The following LRMDA variants were observed in gnomAD, a reference collection of about 807,000 sequenced individuals.
LRMDA encodes leucine rich melanocyte differentiation associated.
LRMDA carries 18 observed loss-of-function variants against 29.8 expected under a neutral mutation model. That is an observed-to-expected ratio of 0.60 (90% CI 0.42 to 0.90). The LOEUF is 0.90. Among genes scored for constraint, LRMDA ranks in the 40% least tolerant of loss-of-function variants. The probability of loss-of-function intolerance (pLI) is 0.00; values close to 1 mark genes in which losing one functional copy is unlikely to be tolerated. For synonymous variants in LRMDA, 125 were observed against 109.4 expected, an observed-to-expected ratio of 1.14 and a Z score of -0.89; for missense variants, 273 against 273.9, an observed-to-expected ratio of 1.00 and a Z score of 0.02.
At chr10:75,838,949 A>G (rs1394966192) in intron 2 of LRMDA, among the ~76,000 whole-genome samples, 1 of 152,186 alleles carries the variant, frequency 6.6e-6, no homozygotes, top group Non-Finnish European at 1.5e-5. Flanking sequence ...GCCAGTGGCA[A>G]TCCAACCCCA....
chr10:76,280,036 T>G (rs965061709), intron 5 of LRMDA, among the ~76,000 whole-genome samples: 1 of 152,174 alleles, frequency 6.6e-6, no homozygotes, highest in Non-Finnish European at 1.5e-5. Flanking sequence ...CTGGTGAAAT[T>G]AGATGTTTAG....
intron 2 of LRMDA, among the ~76,000 whole-genome samples, chr10:75,516,242 A>G (rs1845287125): frequency 6.6e-6 from 1 of 152,172 alleles, no homozygotes; most frequent in South Asian, 2.1e-4. Flanking sequence ...GCTGGGTCAA[A>G]TGGTATTTCT....
At chr10:75,750,689 G>T (rs1473389032) in intron 2 of LRMDA, among the ~76,000 whole-genome samples, 9 of 143,586 alleles carry the variant, frequency 6.3e-5, no homozygotes, top group Non-Finnish European at 1.2e-4. Flanking sequence ...GATGGCGGCC[G>T]GCCAGAGGCT....
At chr10:75,632,316 C>CT (rs1841333804) in intron 2 of LRMDA, among the ~76,000 whole-genome samples, 1 of 152,230 alleles carries the variant, frequency 6.6e-6, no homozygotes, top group South Asian at 2.1e-4. Context: ...AAATTACAAT[C>CT]TGGTTGTTCT....
chr10:76,062,030 G>A lies in LRMDA; in HGVS notation c.516+3247G>A, dbSNP rs552161022. Among the ~76,000 whole-genome samples, 13 of 152,238 alleles carry A rather than the reference G, an allele frequency of 8.5e-5. No individual in the cohort carries two copies. The South Asian group carries it at 2.1e-3, about 24-fold the overall frequency. ...CATGCAGGTGTGTATACCCGCTTCC[G>A]TCTCTGTGTATATATACATATGCAT... On this transcript the variant is annotated intron_variant, in intron 5 of 6. Coordinates refer to ENST00000611255, the MANE Select transcript of LRMDA (RefSeq NM_001305581.2).
intron 2 of LRMDA, among the ~76,000 whole-genome samples, chr10:75,999,709 C>G (rs957302876): frequency 6.6e-6 from 1 of 152,144 alleles, no homozygotes; most frequent in Admixed American, 6.5e-5. Context: ...TGTTAATGCA[C>G]TTTAGAAATG....
At chr10:75,542,401 G>A (rs1840029496) in intron 2 of LRMDA, among the ~76,000 whole-genome samples, 1 of 152,044 alleles carries the variant, frequency 6.6e-6, no homozygotes, top group Non-Finnish European at 1.5e-5. Context: ...AATGACAGTA[G>A]CAAGTCTTTC....
chr10:75,477,962 G>A (rs1378376911), intron 2 of LRMDA, among the ~76,000 whole-genome samples: 1 of 152,230 alleles, frequency 6.6e-6, no homozygotes, highest in Non-Finnish European at 1.5e-5. Context: ...CTGCAGCACA[G>A]GAGACTCCTG....
chr10:76,117,148 C>T (rs920901084), intron 5 of LRMDA, among the ~76,000 whole-genome samples: 4 of 152,130 alleles, frequency 2.6e-5, no homozygotes, highest in African/African-American at 9.7e-5. Context: ...CAACAGTGCT[C>T]GTGCTTCAGT....
intron 6 of LRMDA, among the ~76,000 whole-genome samples, chr10:76,498,818 C>A (rs1842893080): frequency 1.3e-5 from 1 of 75,816 alleles, no homozygotes; most frequent in African/African-American, 3.2e-5. Flanking sequence ...TGAAATGGGT[C>A]TTCTTTTGAC....
intron 2 of LRMDA, among the ~76,000 whole-genome samples, chr10:75,688,356 A>T (rs1305256111): frequency 6.6e-6 from 1 of 152,236 alleles, no homozygotes; most frequent in African/African-American, 2.4e-5. Context: ...TTTAAACCTC[A>T]TGGGTGACTT....
At chr10:75,781,891 C>G (rs1438500306) in intron 2 of LRMDA, among the ~76,000 whole-genome samples, 1 of 152,120 alleles carries the variant, frequency 6.6e-6, no homozygotes, top group Admixed American at 6.5e-5. Context: ...GGATTCACAC[C>G]CAGGTTTTCT....
At chr10:75,903,822 A>T (rs1185520742) in intron 2 of LRMDA, among the ~76,000 whole-genome samples, 2 of 152,212 alleles carry the variant, frequency 1.3e-5, no homozygotes. Flanking sequence ...ACTTGTGCCT[A>T]CTAAAGATTT....
At chr10:75,840,020 TATA>T (rs1336923378) in intron 2 of LRMDA, among the ~76,000 whole-genome samples, 3 of 152,232 alleles carry the variant, frequency 2.0e-5, no homozygotes, top group Non-Finnish European at 4.4e-5. Context: ...ATTCAACTTT[TATA>T]ATGACATGCT....
At chr10:76,513,472 C>G (rs949356471) in intron 6 of LRMDA, among the ~76,000 whole-genome samples, 4 of 152,092 alleles carry the variant, frequency 2.6e-5, no homozygotes, top group Admixed American at 2.6e-4. Context: ...CTTCTTTGTT[C>G]AGATGTATAT....
chr10:76,103,430 T>TC (rs1260346063), intron 5 of LRMDA, among the ~76,000 whole-genome samples: 3 of 152,288 alleles, frequency 2.0e-5, no homozygotes, highest in Admixed American at 6.5e-5. Context: ...GCTCTTCTGA[T>TC]CCCGGGGGCC....
At chr10:75,892,691 C>T (rs951697771) in intron 2 of LRMDA, among the ~76,000 whole-genome samples, 1 of 152,188 alleles carries the variant, frequency 6.6e-6, no homozygotes, top group African/African-American at 2.4e-5. Context: ...CCTCTGGCAC[C>T]TGTGGCTGGA....
intron 2 of LRMDA, among the ~76,000 whole-genome samples, chr10:75,849,601 C>T (rs944249694): frequency 1.7e-4 from 26 of 152,120 alleles, no homozygotes; most frequent in African/African-American, 5.1e-4. Flanking sequence ...TGGTACCTTT[C>T]GGGGGTGAGG....
At chr10:76,034,479 C>T (rs958382506) in intron 2 of LRMDA, among the ~76,000 whole-genome samples, 9 of 152,102 alleles carry the variant, frequency 5.9e-5, no homozygotes, top group Non-Finnish European at 1.3e-4. Flanking sequence ...CTCTGGGAGT[C>T]GAGTCCTGAG....
Sources: gnomAD v4.1 joint callset for allele counts (sites outside exome capture counted in the v4.1 genomes callset) on GRCh38, gnomAD v4.1.1 for gene constraint, MANE v1.5 for transcripts, NCBI Gene and HGNC (gene_info 2026-07-23, HGNC 2026-07-21) for gene names.